The following MACROD2 variants were observed in gnomAD, a reference collection of about 807,000 sequenced individuals.
The protein encoded by MACROD2 is mono-ADP ribosylhydrolase 2.
Under a neutral mutation model 70.4 loss-of-function variants are expected in MACROD2, and 36 were observed. The observed-to-expected ratio is 0.51, with a 90% CI of 0.39 to 0.68. The LOEUF is 0.68. MACROD2 is among the 30% of genes least tolerant of loss of function. The pLI, the probability that MACROD2 is intolerant of heterozygous loss-of-function variation, is 0.00. For synonymous variants in MACROD2, 172 were observed against 178.8 expected, an observed-to-expected ratio of 0.96 and a Z score of 0.30; for missense variants, 496 against 538.4, an observed-to-expected ratio of 0.92 and a Z score of 0.78.
At chr20:14,336,192 T>A (rs2082933117) in intron 3 of MACROD2, among the ~76,000 whole-genome samples, 1 of 152,146 alleles carries the variant, frequency 6.6e-6, no homozygotes, top group Non-Finnish European at 1.5e-5. Flanking sequence ...GTGGCTTTAT[T>A]TATGTTGTTT....
intron 5 of MACROD2, among the ~76,000 whole-genome samples, chr20:14,698,773 TTTAA>T (rs2071157561): frequency 1.3e-5 from 2 of 149,306 alleles, no homozygotes; most frequent in Admixed American, 1.3e-4. Flanking sequence ...AATGTAATTA[TTTAA>T]TTAAATAATT....
chr20:15,707,451 C>A (rs1239779699), intron 8 of MACROD2, among the ~76,000 whole-genome samples: 1 of 152,102 alleles, frequency 6.6e-6, no homozygotes. Flanking sequence ...TGTCCATGCC[C>A]CCAGCTTCAT....
chr20:15,539,889 G>A (rs2047931234), intron 8 of MACROD2, among the ~76,000 whole-genome samples: 1 of 152,238 alleles, frequency 6.6e-6, no homozygotes, highest in Non-Finnish European at 1.5e-5. Context: ...TTGGGAGACT[G>A]AGGCAGGAGA....
intron 15 of MACROD2, among the ~76,000 whole-genome samples, chr20:16,032,425 A>G (rs1292241868): frequency 6.6e-6 from 1 of 152,074 alleles, no homozygotes; most frequent in Non-Finnish European, 1.5e-5. Flanking sequence ...ATTATATATT[A>G]ATATCTCATT....
intron 3 of MACROD2, among the ~76,000 whole-genome samples, chr20:14,161,380 G>C (rs2055185979): frequency 6.6e-6 from 1 of 150,778 alleles, no homozygotes; most frequent in Non-Finnish European, 1.5e-5. Flanking sequence ...GTACAGATGG[G>C]GTTTCACCAT....
At chr20:15,008,992 C>T (rs2075061571) in intron 5 of MACROD2, among the ~76,000 whole-genome samples, 1 of 151,984 alleles carries the variant, frequency 6.6e-6, no homozygotes, top group Admixed American at 6.6e-5. Flanking sequence ...ATGTAATTGG[C>T]TGTCTTTACT....
chr20:14,728,793 T>G (rs1230947609), intron 5 of MACROD2, among the ~76,000 whole-genome samples: 4 of 152,188 alleles, frequency 2.6e-5, no homozygotes, highest in Non-Finnish European at 5.9e-5. Flanking sequence ...TATTATAAGC[T>G]TCTTATAATA....
chr20:15,309,332 T>A (rs2077728795), intron 6 of MACROD2, among the ~76,000 whole-genome samples: 1 of 152,204 alleles, frequency 6.6e-6, no homozygotes, highest in South Asian at 2.1e-4. Context: ...CTCCAGGTCC[T>A]CTCTTCATTC....
At chr20:14,718,157 G>T (rs1455589065) in intron 5 of MACROD2, among the ~76,000 whole-genome samples, 2 of 151,702 alleles carry the variant, frequency 1.3e-5, no homozygotes, top group Non-Finnish European at 2.9e-5. Context: ...GCCAGGCGTG[G>T]TGGCACGTGC....
At chr20:15,058,136 T>G (rs2075501726) in intron 5 of MACROD2, among the ~76,000 whole-genome samples, 1 of 152,172 alleles carries the variant, frequency 6.6e-6, no homozygotes, top group South Asian at 2.1e-4. Flanking sequence ...GTCTTTCTAC[T>G]TTCTTTTTAT....
chr20:14,409,265 A>G (rs937374635), intron 3 of MACROD2, among the ~76,000 whole-genome samples: 1 of 150,090 alleles, frequency 6.7e-6, no homozygotes, highest in Non-Finnish European at 1.5e-5. Context: ...AAGCTTGTCT[A>G]ATTTGCTGTG....
intron 8 of MACROD2, among the ~76,000 whole-genome samples, chr20:15,584,495 A>G (rs12481689): frequency 0.051 from 7,764 of 152,320 alleles, 359 homozygotes; most frequent in Admixed American, 0.15. Flanking sequence ...ATTACAGTTG[A>G]CAATGAAACT....
intron 5 of MACROD2, among the ~76,000 whole-genome samples, chr20:15,063,292 A>G (rs143225726): frequency 2.0e-5 from 3 of 152,342 alleles, no homozygotes; most frequent in Admixed American, 2.0e-4. Context: ...AAGGAGAAAC[A>G]GGAAATGCTT....
chr20:14,968,868 G>C (rs750483589), intron 5 of MACROD2, among the ~76,000 whole-genome samples: 2 of 151,702 alleles, frequency 1.3e-5, no homozygotes, highest in Admixed American at 6.6e-5. Flanking sequence ...TTCAAGTTCT[G>C]TTTGTTTGTT....
intron 6 of MACROD2, among the ~76,000 whole-genome samples, chr20:15,263,543 A>AT (rs1458588773): frequency 6.6e-5 from 10 of 151,762 alleles, no homozygotes; most frequent in Admixed American, 5.3e-4. Context: ...AATTTTTAGG[A>AT]TTTTTTATCT....
chr20:15,328,135 G>A (rs1040066448), intron 6 of MACROD2, among the ~76,000 whole-genome samples: 1 of 152,114 alleles, frequency 6.6e-6, no homozygotes, highest in African/African-American at 2.4e-5. Flanking sequence ...TGGTTGGTTA[G>A]GACAGGCCTC....
intron 3 of MACROD2, among the ~76,000 whole-genome samples, chr20:14,304,126 GTCA>G (rs1381000202): frequency 6.6e-6 from 1 of 152,090 alleles, no homozygotes; most frequent in Non-Finnish European, 1.5e-5. Flanking sequence ...AAACTTTCAT[GTCA>G]TCATACTTTT....
chr20:15,428,404 C>T (rs192065610), intron 6 of MACROD2, among the ~76,000 whole-genome samples: 32 of 152,024 alleles, frequency 2.1e-4, no homozygotes, highest in South Asian at 1.7e-3. Flanking sequence ...GTCAAAGGCA[C>T]GTAAAAAAAG....
chr20:15,326,383 AT>A (rs750271364), intron 6 of MACROD2, among the ~76,000 whole-genome samples: 61 of 152,140 alleles, frequency 4.0e-4, no homozygotes, highest in African/African-American at 1.4e-3. Context: ...AAAGCATTAC[AT>A]TTTTTTACCT....
Sources: gnomAD v4.1 joint callset for allele counts (sites outside exome capture counted in the v4.1 genomes callset) on GRCh38, gnomAD v4.1.1 for gene constraint, MANE v1.5 for transcripts, NCBI Gene and HGNC (gene_info 2026-07-23, HGNC 2026-07-21) for gene names.